Variants in HAPLN1 observed in about 807,000 individuals in gnomAD.
HAPLN1 encodes hyaluronan and proteoglycan link protein 1.
Under a neutral mutation model 36.5 loss-of-function variants are expected in HAPLN1, and 13 were observed. The ratio of observed to expected loss-of-function variants is 0.36; its 90% CI spans 0.23 to 0.57. The LOEUF is 0.57. Ranked by LOEUF, HAPLN1 falls within the 20% of genes least tolerant of loss-of-function variation. The probability of loss-of-function intolerance (pLI) is 0.83; values close to 1 mark genes in which losing one functional copy is unlikely to be tolerated. For synonymous variants in HAPLN1, 202 were observed against 169.8 expected (o/e 1.19, Z -1.48); for missense variants, 407 against 439.7 (o/e 0.93, Z 0.66).
chr5:83,686,662 A>G (rs896252671), intron 1 of HAPLN1, among the ~76,000 whole-genome samples: 5 of 152,144 alleles, frequency 3.3e-5, no homozygotes, highest in African/African-American at 1.2e-4. Flanking sequence ...ACACACACAC[A>G]TATCTCATCC....
chr5:83,680,205 T>C (rs1431444345), intron 1 of HAPLN1, among the ~76,000 whole-genome samples: 1 of 152,184 alleles, frequency 6.6e-6, no homozygotes, highest in Admixed American at 6.6e-5. Context: ...GGGGTTAGAC[T>C]TCTCCAAAAC....
intron 2 of HAPLN1, among the ~76,000 whole-genome samples, chr5:83,666,979 A>G (rs1407777054): frequency 6.6e-6 from 1 of 152,222 alleles, no homozygotes; most frequent in Non-Finnish European, 1.5e-5. Context: ...CAAAGTTGGT[A>G]AGAAAATATA....
intron 1 of HAPLN1, among the ~76,000 whole-genome samples, chr5:83,713,171 G>A (rs1751834188): frequency 6.6e-6 from 1 of 152,076 alleles, no homozygotes; most frequent in Non-Finnish European, 1.5e-5. Context: ...GTTCGGTATT[G>A]GACAAAATGT....
intron 2 of HAPLN1, among the ~76,000 whole-genome samples, chr5:83,671,239 A>T (rs1362392245): frequency 6.6e-6 from 1 of 152,190 alleles, no homozygotes; most frequent in African/African-American, 2.4e-5. Flanking sequence ...TGGAGTACAA[A>T]AATAGAAATC....
chr5:83,650,267 A>T (rs1461560371), intron 3 of HAPLN1, among the ~76,000 whole-genome samples: 1 of 152,220 alleles, frequency 6.6e-6, no homozygotes, highest in East Asian at 1.9e-4. Flanking sequence ...ATCTTAGAAA[A>T]GGTGTTTGTC....
At chr5:83,641,852 C>T in intron 4 of HAPLN1, 67 bp from the exon 5 acceptor site, 1 of 1,488,060 alleles carries the variant, frequency 6.7e-7, no homozygotes, top group Non-Finnish European at 9.1e-7. Context: ...ATAGAAAGAG[C>T]CAAAAACGGA....
chr5:83,650,774 A>G (rs1750035556), intron 3 of HAPLN1, among the ~76,000 whole-genome samples: 1 of 151,470 alleles, frequency 6.6e-6, no homozygotes, highest in Non-Finnish European at 1.5e-5. Flanking sequence ...AGCTGGGACT[A>G]CAGGCGCCTG....
intron 2 of HAPLN1, among the ~76,000 whole-genome samples, chr5:83,657,548 T>C (rs1750255770): frequency 6.6e-6 from 1 of 152,160 alleles, no homozygotes; most frequent in African/African-American, 2.4e-5. Context: ...TCCTCGCTCC[T>C]CTCTAGAAAG....
At chr5:83,645,867 T>G (rs557056638) in intron 3 of HAPLN1, among the ~76,000 whole-genome samples, 1 of 152,308 alleles carries the variant, frequency 6.6e-6, no homozygotes, top group Non-Finnish European at 1.5e-5. Flanking sequence ...TTGAAACATT[T>G]TTATTATAAA....
At chr5:83,647,906 T>C (rs762528191) in intron 3 of HAPLN1, among the ~76,000 whole-genome samples, 4 of 152,242 alleles carry the variant, frequency 2.6e-5, no homozygotes, top group African/African-American at 7.2e-5. Context: ...TATGCACATA[T>C]CTGAAATTGC....
At chr5:83,643,022 C>T (rs1749748472) in intron 4 of HAPLN1, among the ~76,000 whole-genome samples, 1 of 152,038 alleles carries the variant, frequency 6.6e-6, no homozygotes, top group African/African-American at 2.4e-5. Context: ...CTATATGGCC[C>T]TTTACAGAAA....
chr5:83,649,456 T>C (rs1580121204), intron 3 of HAPLN1, among the ~76,000 whole-genome samples: 1 of 152,252 alleles, frequency 6.6e-6, no homozygotes, highest in Non-Finnish European at 1.5e-5. Flanking sequence ...TGTTTGTTTG[T>C]TTGTTTTTTT....
chr5:83,647,384 C>G (rs1401689594), intron 3 of HAPLN1, among the ~76,000 whole-genome samples: 1 of 152,118 alleles, frequency 6.6e-6, no homozygotes, highest in East Asian at 1.9e-4. Context: ...CCAAGTAAAT[C>G]AAGGTAAAGC....
chr5:83,653,482 A>C (rs1750132713), intron 2 of HAPLN1, among the ~76,000 whole-genome samples: 1 of 152,232 alleles, frequency 6.6e-6, no homozygotes, highest in South Asian at 2.1e-4. Context: ...CTTTCGACAA[A>C]TTCCAGAAGA....
At chr5:83,665,602 C>T (rs1003310615) in intron 2 of HAPLN1, among the ~76,000 whole-genome samples, 8 of 152,090 alleles carry the variant, frequency 5.3e-5, no homozygotes, top group Non-Finnish European at 7.4e-5. Flanking sequence ...ACTTTTTTAC[C>T]TAATCTCCAT....
intron 1 of HAPLN1, among the ~76,000 whole-genome samples, chr5:83,682,856 G>T (rs1399415115): frequency 2.0e-5 from 3 of 151,968 alleles, no homozygotes; most frequent in Non-Finnish European, 4.4e-5. Context: ...ATCTTTGAAG[G>T]TGTTTTTTAA....
rs753508982 is a variant in HAPLN1, at chr5:83,652,838, G to C, written c.101-14C>G. 6.6e-7 allele frequency: 1 copy of C among 1,507,380 alleles called. No homozygotes were observed. The highest frequency in any genetic ancestry group is 1.3e-5 in the South Asian group (1 of 74,354). 93.4% of individuals were successfully genotyped at this position (1,507,380 alleles called of 1,614,324 possible). ...GGCCATTTTCTGCTATAATTAAAAAGGAAAAAAAAAAGAAAATAACTATTA... is the reference window on the plus strand; with the variant it reads ...GGCCATTTTCTGCTATAATTAAAAACGAAAAAAAAAAGAAAATAACTATTA... On this transcript the variant is annotated splice_polypyrimidine_tract_variant and intron_variant, in intron 2 of 4. Transcript: ENST00000274341.
intron 1 of HAPLN1, among the ~76,000 whole-genome samples, chr5:83,697,788 A>C (rs1320356536): frequency 6.6e-6 from 1 of 152,080 alleles, no homozygotes; most frequent in Non-Finnish European, 1.5e-5. Context: ...CTAATGACTA[A>C]TGATGTTGAC....
At chr5:83,686,882 C>T (rs535573142) in intron 1 of HAPLN1, among the ~76,000 whole-genome samples, 3 of 152,090 alleles carry the variant, frequency 2.0e-5, no homozygotes, top group Non-Finnish European at 2.9e-5. Context: ...TCCTCTACAT[C>T]TGGAAGGGTG....
Sources: gnomAD v4.1 joint callset for allele counts (sites outside exome capture counted in the v4.1 genomes callset) on GRCh38, gnomAD v4.1.1 for gene constraint, MANE v1.5 for transcripts, NCBI Gene and HGNC (gene_info 2026-07-23, HGNC 2026-07-21) for gene names.